Variants in MPRIP observed in about 807,000 individuals in gnomAD.
The protein encoded by MPRIP is myosin phosphatase Rho-interacting protein.
Under a neutral mutation model 234.9 loss-of-function variants are expected in MPRIP, and 59 were observed. The ratio of observed to expected loss-of-function variants is 0.25; its 90% CI spans 0.20 to 0.31. MPRIP has a LOEUF of 0.31. Among genes scored for constraint, MPRIP ranks in the 10% least tolerant of loss-of-function variants. The pLI is 1.00. For synonymous variants in MPRIP, 1,144 were observed against 1,263.9 expected (o/e 0.91, Z 2.01); for missense variants, 2,436 against 3,071.0 (o/e 0.79, Z 4.89).
chr17:17,154,240 T>C, intron 12 of MPRIP, 66 bp from the exon 13 acceptor site: 2 of 1,406,890 alleles, frequency 1.4e-6, no homozygotes, highest in Admixed American at 1.7e-5. Flanking sequence ...GGAGCTTCTT[T>C]GGAGATGGAG....
chr17:17,127,388 G>T (rs1800797386), intron 4 of MPRIP, among the ~76,000 whole-genome samples: 1 of 152,268 alleles, frequency 6.6e-6, no homozygotes, highest in African/African-American at 2.4e-5. Flanking sequence ...TGAGTGGAGA[G>T]AATGGGTAAG....
rs754708003 is a variant in MPRIP, at chr17:17,175,315, C to T, written c.6773C>T (p.Ala2258Val). Reference sequence around the variant, plus strand: ...CAGGAGCTGAACAACCGCCTGGCTGCAGAGATCACACGGTTGCGGACGCTG... The same window carrying T: ...CAGGAGCTGAACAACCGCCTGGCTGTAGAGATCACACGGTTGCGGACGCTG... ...HNQELNNRLA[A>V]EITRLRTLLT... The change falls in exon 20 of 24, where the codon GCA (alanine) becomes GTA (valine). Residue 2258 changes from alanine (A) to valine (V), a missense_variant. Coordinates refer to ENST00000651222, the MANE Select transcript of MPRIP (RefSeq NM_001364716.4). 3 of 1,613,584 alleles carry T rather than the reference C, an allele frequency of 1.9e-6. No homozygotes were observed. The highest frequency in any genetic ancestry group is 2.5e-6 in the Non-Finnish European group (3 of 1,180,002).
At chr17:17,162,169 T>C (rs2045886894) in intron 15 of MPRIP, among the ~76,000 whole-genome samples, 1 of 152,192 alleles carries the variant, frequency 6.6e-6, no homozygotes, top group Non-Finnish European at 1.5e-5. Flanking sequence ...GGTATAACAT[T>C]AGAATCAAGG....
At chr17:17,169,359 T>G (rs1348013548) in intron 16 of MPRIP, among the ~76,000 whole-genome samples, 1 of 152,238 alleles carries the variant, frequency 6.6e-6, no homozygotes, top group Non-Finnish European at 1.5e-5. Flanking sequence ...AATGCCCTGC[T>G]TCCTGTCTGC....
chr17:17,152,248 C>T (rs2045618983), intron 12 of MPRIP, among the ~76,000 whole-genome samples: 1 of 152,268 alleles, frequency 6.6e-6, no homozygotes, highest in Admixed American at 6.5e-5. Flanking sequence ...CCTCTGTCCT[C>T]ATCCGCTGTG....
intron 3 of MPRIP, among the ~76,000 whole-genome samples, chr17:17,087,773 C>A (rs1037270807): frequency 2.0e-5 from 3 of 152,220 alleles, no homozygotes; most frequent in Admixed American, 1.3e-4. Flanking sequence ...CTCCCCAGCT[C>A]TTTCTTGCTT....
At chr17:17,074,291 T>A (rs977891695) in intron 1 of MPRIP, among the ~76,000 whole-genome samples, 3 of 152,172 alleles carry the variant, frequency 2.0e-5, no homozygotes, top group African/African-American at 7.2e-5. Flanking sequence ...TCCAATGCAT[T>A]CTCGCCAGCT....
At chr17:17,065,546 T>C (rs2088998328) in intron 1 of MPRIP, among the ~76,000 whole-genome samples, 1 of 152,212 alleles carries the variant, frequency 6.6e-6, no homozygotes, top group African/African-American at 2.4e-5. Flanking sequence ...TGTCTGACTT[T>C]CCACCAATAC....
intron 17 of MPRIP, 58 bp downstream of exon 17, chr17:17,171,923 A>G: frequency 1.3e-6 from 2 of 1,549,944 alleles, no homozygotes; most frequent in Non-Finnish European, 1.7e-6. Context: ...TTTGAGCTAG[A>G]CACACAACTC....
chr17:17,181,301 T>C (rs1862546985), intron 23 of MPRIP, among the ~76,000 whole-genome samples: 1 of 151,792 alleles, frequency 6.6e-6, no homozygotes, highest in Non-Finnish European at 1.5e-5. Flanking sequence ...TGAGAATGAG[T>C]AGTTGCCGGC....
chr17:17,078,184 G>T lies in MPRIP; in HGVS notation c.267+108G>T, dbSNP rs967046696. 5.1e-6 allele frequency: 6 copies of T among 1,181,306 alleles called. No homozygotes were observed. The African/African-American group carries it at 6.0e-5, about 12-fold the overall frequency. The allele number at this position is 1,181,306 out of a possible 1,614,324, so 73.2% of individuals were successfully genotyped here. On this transcript the variant is annotated intron_variant, in intron 3 of 23. Transcript: ENST00000651222. This position sits in a 1 kb window ranked among gnomAD's most constrained non-coding sequence, Gnocchi z 4.3. ...GCACAGCAGCCATGTGCTCCTGCTT[G>T]TGTCTGTTTGGGAGTGTGGAATGTT... is the stretch of plus-strand genomic sequence containing the variant.
intron 3 of MPRIP, among the ~76,000 whole-genome samples, chr17:17,120,822 T>C (rs1052246787): frequency 4.6e-5 from 7 of 152,214 alleles, no homozygotes; most frequent in Admixed American, 1.3e-4. Context: ...GCGTTAGAGC[T>C]GAGGCGTTCC....
At chr17:17,163,138 G>A (rs1419225215) in intron 15 of MPRIP, among the ~76,000 whole-genome samples, 1 of 152,210 alleles carries the variant, frequency 6.6e-6, no homozygotes, top group Non-Finnish European at 1.5e-5. Context: ...AGGGTCAGGA[G>A]CCAGCTACTG....
intron 3 of MPRIP, among the ~76,000 whole-genome samples, chr17:17,101,028 C>G (rs1054483151): frequency 7.2e-5 from 11 of 152,164 alleles, no homozygotes; most frequent in Non-Finnish European, 1.0e-4. Context: ...AACCAGAACT[C>G]AGTGGAGCGC....
chr17:17,180,764 A>C, intron 23 of MPRIP: 2 of 1,269,318 alleles, frequency 1.6e-6, no homozygotes, highest in African/African-American at 1.5e-5. Flanking sequence ...TCCTGCTCCA[A>C]CAAACACATA....
At chr17:17,047,757 T>C (rs550142437) in intron 1 of MPRIP, among the ~76,000 whole-genome samples, 1 of 151,426 alleles carries the variant, frequency 6.6e-6, no homozygotes, top group South Asian at 2.1e-4. Context: ...TGGGGAGGGG[T>C]AAAAAATAAT....
At position 17,101,265 on chromosome 17, in the gene MPRIP, C is replaced by T. The variant is rs144179202; in HGVS notation, c.267+23189C>T. 1.6e-3 allele frequency among the ~76,000 whole-genome samples: 241 copies of T among 152,248 alleles called. 1 individual carries two copies. Among genetic ancestry groups the T allele is most frequent in the African/African-American group, 5.1e-3 (212 of 41,536 alleles). On this transcript the variant is annotated intron_variant, in intron 3 of 23. Transcript: ENST00000651222. ...TTTAACATTTCAGTAATGTTATATC[C>T]GGATATTAAGAAAGAAAAGGCCGGG...
At chr17:17,162,870 G>T (rs78647096) in intron 15 of MPRIP, among the ~76,000 whole-genome samples, 1 of 152,182 alleles carries the variant, frequency 6.6e-6, no homozygotes, top group Non-Finnish European at 1.5e-5. Flanking sequence ...AACAGTTCTT[G>T]TCCCAAGTAT....
chr17:17,169,209 T>G (rs890712930), intron 16 of MPRIP: 1 of 355,716 alleles, frequency 2.8e-6, no homozygotes, highest in Non-Finnish European at 5.6e-6. Context: ...AGAGCAGCAC[T>G]GAGATGGGTG....
Sources: allele counts gnomAD v4.1 joint callset (sites outside exome capture counted in the v4.1 genomes callset), GRCh38; gene constraint gnomAD v4.1.1; non-coding constraint Gnocchi (gnomAD v3.1); transcripts MANE v1.5; gene names NCBI Gene and HGNC (gene_info 2026-07-23, HGNC 2026-07-21).